Variants in COBL observed in about 807,000 individuals in gnomAD.
COBL encodes the protein protein cordon-bleu.
A neutral mutation model predicts 98.8 loss-of-function variants in COBL; 51 were observed. That is an observed-to-expected ratio of 0.52 (90% CI 0.41 to 0.65). COBL has a LOEUF of 0.65. Ranked by LOEUF, COBL falls within the 30% of genes least tolerant of loss-of-function variation. The pLI is 0.00. For synonymous variants in COBL, 634 were observed against 651.7 expected, an observed-to-expected ratio of 0.97 and a Z score of 0.41; for missense variants, 1,617 against 1,617.5, an observed-to-expected ratio of 1.00 and a Z score of 0.01.
chr7:51,027,774 ATG>A lies in COBL; in HGVS notation c.3320_3321del (p.Thr1107IlefsTer68). 3 of 1,614,136 alleles carry A rather than the reference ATG, an allele frequency of 1.9e-6. No individual in the cohort carries two copies. Among genetic ancestry groups the A allele is most frequent in the Non-Finnish European group, 2.5e-6 (3 of 1,180,024 alleles). On this transcript the variant is annotated frameshift_variant, in exon 10 of 13. Coordinates refer to ENST00000265136, the MANE Select transcript of COBL (RefSeq NM_015198.5). LOFTEE classifies it high-confidence loss of function. ...GCTTCCATCAGGGCAGAGTGCAGGG[ATG>A]TGTCTTTTGGGACTGGTCTCTGGAC... ...PVVQRPVPKD[T>X]SLHSALMEAI...
chr7:51,106,250 T>C (rs1338866475), intron 6 of COBL, among the ~76,000 whole-genome samples: 4 of 150,778 alleles, frequency 2.7e-5, no homozygotes, highest in Non-Finnish European at 5.9e-5. Context: ...CTGTGAAATA[T>C]GAAACCTGGG....
chr7:51,141,888 T>C (rs142866093), intron 5 of COBL, among the ~76,000 whole-genome samples: 24 of 152,278 alleles, frequency 1.6e-4, no homozygotes, highest in Admixed American at 1.1e-3. Context: ...GGCACAGTCT[T>C]GGGTAAGGGC....
chr7:51,082,970 A>C lies in COBL; in HGVS notation c.1096+2196T>G. On this transcript the variant is annotated intron_variant, in intron 7 of 12. Transcript: ENST00000265136. The stretch of plus-strand genomic sequence containing the variant: ...AAGGCACACACATCCAAAGACAAGA[A>C]TGGAAAATCTGGAAACCCAGCCCTG... 4 of 1,255,284 alleles carry C rather than the reference A, an allele frequency of 3.2e-6. No homozygotes were observed. In the South Asian group the frequency reaches 5.1e-5, roughly 16 times the overall value. 77.8% of individuals were successfully genotyped at this position (1,255,284 alleles called of 1,614,324 possible). A position where few individuals can be genotyped will look rare whatever the true frequency, so the allele number is the denominator to read the frequency against.
At chr7:51,223,130 G>A (rs555469146) in intron 1 of COBL, among the ~76,000 whole-genome samples, 39 of 152,346 alleles carry the variant, frequency 2.6e-4, no homozygotes, top group Admixed American at 6.5e-4. Flanking sequence ...GACTTTGCTC[G>A]GGGCACGCAC....
chr7:51,192,253 G>A (rs994855427), intron 3 of COBL, among the ~76,000 whole-genome samples: 10 of 152,194 alleles, frequency 6.6e-5, no homozygotes, highest in Non-Finnish European at 7.3e-5. Context: ...GGTCTGCTAA[G>A]AATATGAAAG....
At chr7:51,130,192 C>T (rs1040407865) in intron 6 of COBL, among the ~76,000 whole-genome samples, 5 of 152,108 alleles carry the variant, frequency 3.3e-5, no homozygotes, top group African/African-American at 4.8e-5. Context: ...CCCTCCTGAG[C>T]GCATGGTAAA....
At chr7:51,095,628 A>AT (rs1244131162) in intron 6 of COBL, among the ~76,000 whole-genome samples, 1 of 152,198 alleles carries the variant, frequency 6.6e-6, no homozygotes, top group East Asian at 1.9e-4. Flanking sequence ...AGATCCAACT[A>AT]TACACTGTCT....
intron 6 of COBL, among the ~76,000 whole-genome samples, chr7:51,093,994 T>C (rs1795056206): frequency 6.6e-6 from 1 of 150,748 alleles, no homozygotes; most frequent in African/African-American, 2.4e-5. Context: ...TATATATATA[T>C]GTATATAAAA....
intron 5 of COBL, among the ~76,000 whole-genome samples, chr7:51,163,405 G>A (rs1787006198): frequency 6.6e-6 from 1 of 152,156 alleles, no homozygotes; most frequent in Non-Finnish European, 1.5e-5. Flanking sequence ...GATCAAATAA[G>A]CCCACACAAC....
chr7:51,120,820 T>C (rs1050026304), intron 6 of COBL, among the ~76,000 whole-genome samples: 1 of 152,374 alleles, frequency 6.6e-6, no homozygotes, highest in South Asian at 2.1e-4. Context: ...TATCAAAATT[T>C]CCTTCCTTTT....
chr7:51,168,938 C>T (rs1388338486), intron 5 of COBL, among the ~76,000 whole-genome samples: 4 of 152,156 alleles, frequency 2.6e-5, no homozygotes, highest in African/African-American at 7.2e-5. Flanking sequence ...GGCTCCCTAA[C>T]CATCTGAATG....
At chr7:51,196,814 T>C (rs923551290) in intron 2 of COBL, among the ~76,000 whole-genome samples, 7 of 152,130 alleles carry the variant, frequency 4.6e-5, no homozygotes, top group Admixed American at 1.3e-4. Context: ...TTTATGTGCA[T>C]AGAAGTGTTC....
At chr7:51,267,798 TCCTGA>T (rs1179649016) in intron 1 of COBL, among the ~76,000 whole-genome samples, 1 of 152,114 alleles carries the variant, frequency 6.6e-6, no homozygotes, top group Non-Finnish European at 1.5e-5. Flanking sequence ...GGTCTCAAAT[TCCTGA>T]CCACAAGTGA....
At chr7:51,145,514 G>A (rs537271533) in intron 5 of COBL, among the ~76,000 whole-genome samples, 1 of 152,054 alleles carries the variant, frequency 6.6e-6, no homozygotes, top group East Asian at 1.9e-4. Context: ...GAGTAGCTGG[G>A]ATTACAGGTA....
chr7:51,180,712 ATAT>A (rs568245954), intron 5 of COBL, among the ~76,000 whole-genome samples: 94 of 152,244 alleles, frequency 6.2e-4, no homozygotes, highest in African/African-American at 2.2e-3. Flanking sequence ...TGTTTTTGTG[ATAT>A]TATTATTTGC....
At position 51,018,939 on chromosome 7, in the gene COBL, T is replaced by A. The variant is rs1194875073; in HGVS notation, c.3769-1371A>T. 2.9e-3 allele frequency among the ~76,000 whole-genome samples: 330 copies of A among 112,788 alleles called. 24 individuals are homozygous for A. The South Asian group carries it at 0.04, about 14-fold the overall frequency. The allele number at this position is 112,788 out of a possible 152,430, so 74.0% of individuals were successfully genotyped here. The stretch of plus-strand genomic sequence containing the variant: ...ATATATATATATATATATATATATA[T>A]ATATATATATATATGATTTTTTTTG... On this transcript the variant is annotated intron_variant, in intron 12 of 12. Transcript: ENST00000265136.
intron 2 of COBL, among the ~76,000 whole-genome samples, chr7:51,216,637 C>G (rs553614428): frequency 5.0e-4 from 76 of 151,854 alleles, no homozygotes; most frequent in Non-Finnish European, 9.3e-4. Flanking sequence ...GAACAGACTT[C>G]AACTTTTATT....
chr7:51,125,449 G>A lies in COBL; in HGVS notation c.957+10709C>T, dbSNP rs557219205. Among the ~76,000 whole-genome samples, 471 of 152,270 alleles carry A rather than the reference G, an allele frequency of 3.1e-3. 1 individual carries two copies. The highest frequency in any genetic ancestry group is 5.0e-3 in the Non-Finnish European group (339 of 68,016). ...ACCCAGTCGGCGGTATTTAGGTTTT[G>A]GCAGCCCTAGAAAACTTACACACCC... On this transcript the variant is annotated intron_variant, in intron 6 of 12. Transcript: ENST00000265136.
rs753823896 is a variant in COBL, at chr7:51,027,824, G to A, written c.3272C>T (p.Pro1091Leu). ...DSIWPPSIFG[P>L]KKKFKPVVQR... ...GACAACAGGTTTGAATTTTTTCTTCGGCCCAAAAATGCTGGGTGGCCAAAT... is the reference window on the plus strand; with the variant it reads ...GACAACAGGTTTGAATTTTTTCTTCAGCCCAAAAATGCTGGGTGGCCAAAT... Residue 1091 changes from proline to leucine, a missense_variant, in exon 10 of 13, where the codon CCG becomes CTG. Transcript: ENST00000265136. 103 of 1,614,038 alleles carry A rather than the reference G, an allele frequency of 6.4e-5. No individual in the cohort carries two copies. Among genetic ancestry groups the A allele is most frequent in the Admixed American group, 2.5e-4 (15 of 60,008 alleles).
Sources: allele counts gnomAD v4.1 joint callset (sites outside exome capture counted in the v4.1 genomes callset), GRCh38; gene constraint gnomAD v4.1.1; transcripts MANE v1.5; gene names NCBI Gene and HGNC (gene_info 2026-07-23, HGNC 2026-07-21).